The following PCSK5 variants were observed in gnomAD, a reference collection of about 807,000 sequenced individuals.
The protein encoded by PCSK5 is prohormone convertase 5.
Under a neutral mutation model 233.2 loss-of-function variants are expected in PCSK5, and 129 were observed. The observed-to-expected ratio is 0.55, with a 90% CI of 0.48 to 0.64. PCSK5 has a LOEUF of 0.64. PCSK5 is among the 30% of genes least tolerant of loss of function. The probability of loss-of-function intolerance (pLI) is 0.00; values close to 1 mark genes in which losing one functional copy is unlikely to be tolerated. For missense variants in PCSK5, 2,076 were observed against 2,430.1 expected (o/e 0.85, Z 3.06); for synonymous variants, 825 against 879.2 (o/e 0.94, Z 1.09).
At position 76,337,840 on chromosome 9, in the gene PCSK5, T is replaced by TAA. The variant is rs71372066; in HGVS notation, c.4749-378_4749-377dup. Among the ~76,000 whole-genome samples the TAA allele has an allele frequency of 1.4e-3, 207 of 148,252 alleles. 2 individuals are homozygous for TAA. The highest frequency in any genetic ancestry group is 6.9e-3 in the Middle Eastern group (2 of 290). Reference sequence around the variant, plus strand: ...CATAGTGAGACACCCATCTCTGTTTTAAAAAAAAAAAAAGATCCTTCCATT... The same window carrying TAA: ...CATAGTGAGACACCCATCTCTGTTTTAAAAAAAAAAAAAAAGATCCTTCCATT... On this transcript the variant is annotated intron_variant, in intron 34 of 37. Transcript: ENST00000674117.
In PCSK5 at chr9:76,254,981, A is replaced by C. The variant is rs551224866; in HGVS notation, c.3142+14297A>C. 4.6e-5 allele frequency among the ~76,000 whole-genome samples: 7 copies of C among 152,320 alleles called. No homozygotes were observed. In the South Asian group the frequency reaches 1.5e-3, roughly 32 times the overall value. On this transcript the variant is annotated intron_variant, in intron 24 of 37. Coordinates refer to ENST00000674117, the MANE Select transcript of PCSK5 (RefSeq NM_001372043.1). ...AATTAGTCTGGAGTGAGGTGTGGGC[A>C]TCAGTATTTTTTTAAAACGCCCTGG... is the stretch of plus-strand genomic sequence containing the variant.
At position 76,014,293 on chromosome 9, in the gene PCSK5, G is replaced by A. The variant is rs542567168; in HGVS notation, c.412-9445G>A. Among the ~76,000 whole-genome samples, 3 of 152,284 alleles carry A rather than the reference G, an allele frequency of 2.0e-5. No individual in the cohort carries two copies. The East Asian group carries it at 5.8e-4, about 29-fold the overall frequency. On this transcript the variant is annotated intron_variant, in intron 3 of 37. Coordinates refer to ENST00000674117, the MANE Select transcript of PCSK5 (RefSeq NM_001372043.1). Reference sequence around the variant, plus strand: ...TTTTATGAGCTCCGGCATAGGAATTGTTTCTTGGCATATAAGCACTTAAGG... The same window carrying A: ...TTTTATGAGCTCCGGCATAGGAATTATTTCTTGGCATATAAGCACTTAAGG...
At chr9:76,122,261 C>CT (rs1245728080) in intron 9 of PCSK5, among the ~76,000 whole-genome samples, 1 of 149,274 alleles carries the variant, frequency 6.7e-6, no homozygotes. Context: ...TTCTTTCTTT[C>CT]TTTTTAAAAT....
intron 9 of PCSK5, among the ~76,000 whole-genome samples, chr9:76,115,898 A>G (rs979460246): frequency 6.6e-6 from 1 of 152,104 alleles, no homozygotes; most frequent in South Asian, 2.1e-4. Context: ...GCCTATGGCT[A>G]CATTGTCTTG....
chr9:75,985,457 A>G (rs947131503), intron 2 of PCSK5, among the ~76,000 whole-genome samples: 10 of 152,088 alleles, frequency 6.6e-5, no homozygotes, highest in African/African-American at 1.7e-4. Context: ...TGGTTTTTCT[A>G]ATTCTCCAAA....
At position 76,188,593 on chromosome 9, in the gene PCSK5, G is replaced by A. The variant is rs747774986; in HGVS notation, c.2298G>A (p.Arg766=). 1 of 1,613,286 alleles carries A rather than the reference G, an allele frequency of 6.2e-7. No individual in the cohort carries two copies. The highest frequency in any genetic ancestry group is 1.1e-5 in the South Asian group (1 of 91,048). Residue 766 remains arginine, a synonymous_variant, in exon 18 of 38, where the codon CGG becomes CGA. Coordinates refer to ENST00000674117, the MANE Select transcript of PCSK5 (RefSeq NM_001372043.1). ...CTTCTTCCAGCCTGCAGGGATCCCG[G>A]TGCTCTGTCTCCTGTGAAGATGGAC... The part of the protein sequence containing the change: ...CRDGLSLQGS[R]CSVSCEDGRY...
At chr9:76,233,198 G>T (rs1400710343) in intron 21 of PCSK5, among the ~76,000 whole-genome samples, 10 of 152,236 alleles carry the variant, frequency 6.6e-5, no homozygotes, top group African/African-American at 2.4e-4. Flanking sequence ...GTAGGCACCA[G>T]TTAGCTTGTT....
rs544812414 is a variant in PCSK5, at chr9:76,132,358, A to G, written c.1209-1751A>G. Among the ~76,000 whole-genome samples, 9 of 152,224 alleles carry G rather than the reference A, an allele frequency of 5.9e-5. No homozygotes were observed. The East Asian group carries it at 1.4e-3, about 23-fold the overall frequency. Reference sequence around the variant, plus strand: ...ATAATTGATTCCTAACAAGTGCTGTATCCTAAGAAAACAAGAATAATTCTG... The same window carrying G: ...ATAATTGATTCCTAACAAGTGCTGTGTCCTAAGAAAACAAGAATAATTCTG... On this transcript the variant is annotated intron_variant, in intron 9 of 37. Coordinates refer to ENST00000674117, the MANE Select transcript of PCSK5 (RefSeq NM_001372043.1).
intron 32 of PCSK5, among the ~76,000 whole-genome samples, chr9:76,324,470 A>T (rs7022464): frequency 0.19 from 28,613 of 152,006 alleles, 2,769 homozygotes; most frequent in African/African-American, 0.2. Context: ...ATCTCAAGTG[A>T]TCCGCCCACC....
chr9:76,167,656 A>G (rs1212080051), intron 12 of PCSK5, among the ~76,000 whole-genome samples: 1 of 152,240 alleles, frequency 6.6e-6, no homozygotes, highest in Admixed American at 6.5e-5. Context: ...TTAAAAAATC[A>G]GAGTTCTAAT....
intron 20 of PCSK5, chr9:76,193,606 A>C (rs1225358032): frequency 2.7e-6 from 1 of 373,584 alleles, no homozygotes; most frequent in Non-Finnish European, 4.8e-6. Context: ...AAACAGCCAG[A>C]ACCACAGAGA....
intron 3 of PCSK5, among the ~76,000 whole-genome samples, chr9:75,992,506 T>C (rs1421287187): frequency 6.6e-6 from 1 of 152,226 alleles, no homozygotes; most frequent in Admixed American, 6.5e-5. Flanking sequence ...GTTGCATTTA[T>C]GGTATTTCAA....
chr9:76,065,563 C>T (rs952563052), intron 5 of PCSK5, among the ~76,000 whole-genome samples: 16 of 138,866 alleles, frequency 1.2e-4, no homozygotes, highest in African/African-American at 5.0e-4. Flanking sequence ...AATCCCTGGT[C>T]AGACAGAGTT....
rs183895034 is a variant in PCSK5 at position 76,240,747 on chromosome 9, C to T, written c.3142+63C>T. On this transcript the variant is annotated intron_variant, in intron 24 of 37. Coordinates refer to ENST00000674117, the MANE Select transcript of PCSK5 (RefSeq NM_001372043.1). ...AGCTAAGTCCTTTTCCACACATCTT[C>T]ATCCTGTCATTGCCCCAGCAGGCAC... is the stretch of plus-strand genomic sequence containing the variant. 365 of 1,129,906 alleles carry T rather than the reference C, an allele frequency of 3.2e-4. No individual in the cohort carries two copies. The East Asian group carries it at 8.1e-3, about 25-fold the overall frequency. 70.0% of individuals were successfully genotyped at this position (1,129,906 alleles called of 1,614,324 possible).
intron 24 of PCSK5, among the ~76,000 whole-genome samples, chr9:76,259,881 AAGCAGAGGGG>A (rs1206783982): frequency 2.0e-5 from 3 of 152,214 alleles, no homozygotes; most frequent in Admixed American, 2.0e-4. Flanking sequence ...CCTCATCTGG[AAGCAGAGGGG>A]ACTGGACTGG....
intron 1 of PCSK5, among the ~76,000 whole-genome samples, chr9:75,896,456 CTT>C (rs1236116657): frequency 1.3e-5 from 2 of 152,166 alleles, no homozygotes; most frequent in Admixed American, 6.5e-5. Context: ...ATGTCTGACT[CTT>C]TGGCTGAGAG....
At chr9:75,982,557 A>T (rs1460815691) in intron 2 of PCSK5, among the ~76,000 whole-genome samples, 1 of 152,140 alleles carries the variant, frequency 6.6e-6, no homozygotes, top group East Asian at 1.9e-4. Context: ...GCATGAGGCT[A>T]AGTGTATTGT....
chr9:75,954,723 C>G (rs2131331705), intron 2 of PCSK5, among the ~76,000 whole-genome samples: 1 of 152,290 alleles, frequency 6.6e-6, no homozygotes, highest in East Asian at 1.9e-4. Flanking sequence ...AAGCCTCCAA[C>G]AGCCAAACCA....
chr9:75,932,332 C>T (rs748346841), intron 1 of PCSK5, 47 bp from the exon 2 acceptor site: 34 of 1,151,842 alleles, frequency 3.0e-5, no homozygotes, highest in Non-Finnish European at 4.3e-5. Context: ...GGTTTTCACA[C>T]ATTAATGTCT....
Sources: gnomAD v4.1 joint callset for allele counts (sites outside exome capture counted in the v4.1 genomes callset) on GRCh38, gnomAD v4.1.1 for gene constraint, MANE v1.5 for transcripts, NCBI Gene and HGNC (gene_info 2026-07-23, HGNC 2026-07-21) for gene names.